LRFN3: variants seen among roughly 807,000 people sequenced by gnomAD.
LRFN3 encodes leucine-rich repeat and fibronectin type-III domain-containing protein 3.
Under a neutral mutation model 23.8 loss-of-function variants are expected in LRFN3, and 8 were observed. That is an observed-to-expected ratio of 0.34 (90% CI 0.20 to 0.61). The LOEUF (loss-of-function observed/expected upper bound fraction) is 0.61. Among genes scored for constraint, LRFN3 ranks in the 20% least tolerant of loss-of-function variants. LRFN3 has a pLI of 0.80. For missense variants in LRFN3, 736 were observed against 935.3 expected (o/e 0.79, Z 2.78); for synonymous variants, 451 against 450.6 (o/e 1.00, Z -0.01).
intron 2 of LRFN3, among the ~76,000 whole-genome samples, chr19:35,941,791 C>A (rs1976124763): frequency 6.6e-6 from 1 of 152,272 alleles, no homozygotes; most frequent in African/African-American, 2.4e-5. Flanking sequence ...CCAGGCTGGT[C>A]TAGAAGTCCT....
rs1473741419 is a variant in LRFN3, at chr19:35,936,464, C to T, written c.-1108C>T. The T allele has an allele frequency of 1.3e-5, 2 of 150,596 alleles. No homozygotes were observed. Among genetic ancestry groups the T allele is most frequent in the Non-Finnish European group, 1.5e-5 (1 of 67,440 alleles). The allele number at this position is 150,596 out of a possible 1,614,324, so 9.3% of individuals were successfully genotyped here. On this transcript the variant is annotated 5_prime_UTR_variant, in exon 1 of 3. Coordinates refer to ENST00000246529, the MANE Select transcript of LRFN3 (RefSeq NM_024509.2). ...CCGCCCAGCCCGGCCCCCGCCCGGC[C>T]CCCGCCTCGGCCCCGGCGGGGGAGG... is the stretch of plus-strand genomic sequence containing the variant.
intron 1 of LRFN3, among the ~76,000 whole-genome samples, chr19:35,938,607 C>T (rs928675367): frequency 6.6e-6 from 1 of 152,212 alleles, no homozygotes; most frequent in Non-Finnish European, 1.5e-5. Context: ...CCCGCACCAT[C>T]CTCCTGAGCA....
rs552870079 is a variant in LRFN3, at chr19:35,945,033, C to A, written c.*14C>A. Reference sequence around the variant, plus strand: ...GTGGGACCCTAGCCAGGCGCCCCCCCCTCTAAGGGTCCTCTGGCCCCACGG... The same window carrying A: ...GTGGGACCCTAGCCAGGCGCCCCCCACTCTAAGGGTCCTCTGGCCCCACGG... On this transcript the variant is annotated 3_prime_UTR_variant, in exon 3 of 3. Coordinates refer to ENST00000246529, the MANE Select transcript of LRFN3 (RefSeq NM_024509.2). 129 of 1,341,724 alleles carry A rather than the reference C, an allele frequency of 9.6e-5. 1 individual carries two copies. In the East Asian group the frequency reaches 1.8e-3, roughly 19 times the overall value. 83.1% of individuals were successfully genotyped at this position (1,341,724 alleles called of 1,614,324 possible).
chr19:35,937,851 A>C (rs1976074198), intron 1 of LRFN3, among the ~76,000 whole-genome samples: 1 of 151,638 alleles, frequency 6.6e-6, no homozygotes, highest in African/African-American at 2.4e-5. Flanking sequence ...TCTCTTGTCC[A>C]CCACTCCTCT....
At position 35,944,873 on chromosome 19, in the gene LRFN3, A is replaced by C; in HGVS notation, c.1741A>C (p.Ser581Arg). 1 of 1,598,560 alleles carries C rather than the reference A, an allele frequency of 6.3e-7. No individual in the cohort carries two copies. Among genetic ancestry groups the C allele is most frequent in the Non-Finnish European group, 8.5e-7 (1 of 1,178,666 alleles). ...GGCCAAGATTCCCGCGCCTGTTAGC[A>C]GCGTTTGCTCCCAGACCAACGGCGC... is the stretch of plus-strand genomic sequence containing the variant. ...GKAKIPAPVS[S>R]VCSQTNGALG... The change falls in exon 3 of 3, where the codon AGC becomes CGC. Residue 581 changes from serine (S) to arginine (R), a missense_variant. Ser to Arg is a moderately radical substitution (Grantham distance 110). Transcript: ENST00000246529. The surrounding 1 kb of genome is among the most constrained non-coding windows in gnomAD (Gnocchi z 4.5).
intron 2 of LRFN3, among the ~76,000 whole-genome samples, chr19:35,941,922 G>A (rs1004889451): frequency 6.7e-6 from 1 of 148,958 alleles, no homozygotes; most frequent in African/African-American, 2.5e-5. Context: ...TCACTCTGTT[G>A]CCCAGGCTGG....
Position 35,945,106 on chromosome 19 carries a change from A to C in LRFN3, c.*87A>C. On this transcript the variant is annotated 3_prime_UTR_variant, in exon 3 of 3. Coordinates refer to ENST00000246529, the MANE Select transcript of LRFN3 (RefSeq NM_024509.2). ...TGGGACCTGGCCTCAAACTCACCAA[A>C]TCGCTCATGGTTTTTAAAACTCTGA... 1.3e-5 allele frequency: 10 copies of C among 744,712 alleles called. No homozygotes were observed. Among genetic ancestry groups the C allele is most frequent in the South Asian group, 2.5e-5 (1 of 39,654 alleles). The allele number at this position is 744,712 out of a possible 1,614,324, so 46.1% of individuals were successfully genotyped here. A position where few individuals can be genotyped will look rare whatever the true frequency, so the allele number is the denominator to read the frequency against.
rs945008562 is a variant in LRFN3 at position 35,946,179 on chromosome 19, G to C, written c.*1160G>C. ...GTGTAGGGGGCCCTGAGGATGTCCA[G>C]GATGTGGCATTCAGGAGGGTGCAGG... On this transcript the variant is annotated 3_prime_UTR_variant, in exon 3 of 3. Transcript: ENST00000246529. 6.6e-6 allele frequency among the ~76,000 whole-genome samples: 1 copy of C among 151,978 alleles called. No homozygotes were observed. The highest frequency in any genetic ancestry group is 1.5e-5 in the Non-Finnish European group (1 of 67,980).
At position 35,944,560 on chromosome 19, in the gene LRFN3, G is replaced by C; in HGVS notation, c.1428G>C (p.Ala476=). The change falls in exon 3 of 3, where the codon GCG becomes GCC. Residue 476 remains alanine (A), a synonymous_variant. Coordinates refer to ENST00000246529, the MANE Select transcript of LRFN3 (RefSeq NM_024509.2). The surrounding 1 kb of genome is among the most constrained non-coding windows in gnomAD (Gnocchi z 4.5). ...GCCTGCCCTGCAGGATGATCCCGGCGGAGAGCCGCTCGTTCCTGCTGACGG... is the reference window on the plus strand; with the variant it reads ...GCCTGCCCTGCAGGATGATCCCGGCCGAGAGCCGCTCGTTCCTGCTGACGG... ...DDILVYRMIP[A]ESRSFLLTDL... The C allele has an allele frequency of 6.8e-7, 1 of 1,463,122 alleles. No individual in the cohort carries two copies. The highest frequency in any genetic ancestry group is 9.0e-7 in the Non-Finnish European group (1 of 1,112,774). The allele number at this position is 1,463,122 out of a possible 1,614,324, so 90.6% of individuals were successfully genotyped here. A position where few individuals can be genotyped will look rare whatever the true frequency, so the allele number is the denominator to read the frequency against.
intron 1 of LRFN3, among the ~76,000 whole-genome samples, chr19:35,938,210 G>A (rs1976077816): frequency 6.6e-6 from 1 of 151,150 alleles, no homozygotes; most frequent in Non-Finnish European, 1.5e-5. Context: ...CTCTCCCACT[G>A]CTCTTGCCCT....
intron 2 of LRFN3, among the ~76,000 whole-genome samples, chr19:35,942,524 C>T (rs1401166806): frequency 2.6e-5 from 4 of 152,224 alleles, no homozygotes; most frequent in African/African-American, 9.7e-5. Flanking sequence ...GGTGCAGCCC[C>T]AAGGCTGACT....
intron 2 of LRFN3, among the ~76,000 whole-genome samples, chr19:35,943,332 G>A (rs553377655): frequency 6.6e-6 from 1 of 152,294 alleles, no homozygotes; most frequent in South Asian, 2.1e-4. Flanking sequence ...AAGAAATAAG[G>A]CAACAGGGAG....
rs764243770 is a variant in LRFN3 at position 35,940,647 on chromosome 19, C to G, written c.1222C>G (p.Leu408Val). 7.4e-5 allele frequency: 119 copies of G among 1,611,810 alleles called. No homozygotes were observed. The highest frequency in any genetic ancestry group is 9.2e-5 in the Non-Finnish European group (108 of 1,178,798). ...DPPRDGDPDA[L>V]TPPSAASASA... The stretch of plus-strand genomic sequence containing the variant: ...CCCGCGGGACGGGGATCCTGATGCT[C>G]TCACCCCACCCTCCGCTGCCTCTGC... The change falls in exon 2 of 3, where the codon CTC becomes GTC. Residue 408 changes from leucine to valine, a missense_variant. Physicochemically the swap from Leu to Val is conservative, Grantham distance 32. Around this residue, in one of 2 missense-constraint regions of LRFN3, gnomAD observed 446 missense variants for 647.9 expected, o/e 0.69. Transcript: ENST00000246529.
chr19:35,944,681 C>G lies in LRFN3; in HGVS notation c.1549C>G (p.Arg517Gly), dbSNP rs1253040709. ...GGCCACGCGGCCTGTGGGCTGCGCC[C>G]GCTTCTCCACCGAACCTGCGCTGCG... Reference protein sequence around the residue: ...LTATRPVGCARFSTEPALRPC... With the variant: ...LTATRPVGCAGFSTEPALRPC... The change falls in exon 3 of 3, where the codon CGC becomes GGC. Residue 517 changes from arginine to glycine, a missense_variant. Around this residue, in one of 2 missense-constraint regions of LRFN3, gnomAD observed 290 missense variants for 287.4 expected, o/e 1.01. Transcript: ENST00000246529. The surrounding 1 kb of genome is among the most constrained non-coding windows in gnomAD (Gnocchi z 4.5). 2 of 1,601,706 alleles carry G rather than the reference C, an allele frequency of 1.2e-6. No individual in the cohort carries two copies. Among genetic ancestry groups the G allele is most frequent in the African/African-American group, 1.3e-5 (1 of 74,404 alleles).
At position 35,940,429 on chromosome 19, in the gene LRFN3, G is replaced by A. The variant is rs773576637; in HGVS notation, c.1004G>A (p.Arg335Gln). The A allele has an allele frequency of 1.9e-6, 3 of 1,597,398 alleles. No individual in the cohort carries two copies. Among genetic ancestry groups the A allele is most frequent in the East Asian group, 2.2e-5 (1 of 44,596 alleles). The change falls in exon 2 of 3, where the codon CGG becomes CAG. Residue 335 changes from arginine to glutamine, a missense_variant. Transcript: ENST00000246529. ...PRVRWVSPQGRLLGNSSRARA... is the reference protein window; with the variant it reads ...PRVRWVSPQGQLLGNSSRARA... ...GTGCGTTGGGTGTCACCCCAGGGCC[G>A]GCTGCTAGGCAACTCAAGCCGTGCC...
rs150948583 is a variant in LRFN3 at position 35,939,725 on chromosome 19, C to T, written c.300C>T (p.Ala100=). 99 of 1,603,526 alleles carry T rather than the reference C, an allele frequency of 6.2e-5. No homozygotes were observed. The highest frequency in any genetic ancestry group is 7.2e-5 in the Non-Finnish European group (85 of 1,177,952). ...GGAACACCATCCGCCACGTGGCTGC[C>T]GGCGCCTTCGCCGACCTGCGGGCCC... ...LSRNTIRHVA[A]GAFADLRALR... is the part of the protein sequence containing the mutation. The change falls in exon 2 of 3, where the codon GCC becomes GCT. Residue 100 remains alanine (A), a synonymous_variant. Transcript: ENST00000246529. The surrounding 1 kb of genome is among the most constrained non-coding windows in gnomAD (Gnocchi z 6.4).
chr19:35,940,586 ACCT>A lies in LRFN3; in HGVS notation c.1166_1168del (p.Pro389del). The A allele has an allele frequency of 1.2e-6, 2 of 1,611,602 alleles. No homozygotes were observed. The highest frequency in any genetic ancestry group is 1.1e-5 in the South Asian group (1 of 91,018). ...TGGAGCTGACTGTGGGTCCCCCACC[ACCT>A]CCTCAGCTAGCCAACAGCACCAGCT... On this transcript the variant is annotated inframe_deletion, in exon 2 of 3. Transcript: ENST00000246529.
Position 35,944,893 on chromosome 19 carries a change from C to T in LRFN3, c.1761C>T (p.Asn587=), listed in dbSNP as rs1438270980. ...APVSSVCSQT[N]GALGPTPTPA... ...TTAGCAGCGTTTGCTCCCAGACCAA[C>T]GGCGCCCTGGGCCCCACGCCCACGC... Residue 587 remains asparagine, a synonymous_variant, in exon 3 of 3, where the codon AAC becomes AAT. Transcript: ENST00000246529. This position sits in a 1 kb window ranked among gnomAD's most constrained non-coding sequence, Gnocchi z 4.5. The T allele has an allele frequency of 2.5e-6, 4 of 1,592,766 alleles. No homozygotes were observed. The African/African-American group carries it at 4.0e-5, about 16-fold the overall frequency.
Position 35,940,791 on chromosome 19 carries a change from A to G in LRFN3, c.1366A>G (p.Met456Val), listed in dbSNP as rs760943877. The part of the protein sequence containing the change: ...PDQRPIPGIR[M>V]YQIQYNSSAD... ...TCAGCGGCCTATCCCGGGCATCCGC[A>G]TGTACCAGATCCAGTACAACAGCTC... is the stretch of plus-strand genomic sequence containing the variant. Residue 456 changes from methionine (M) to valine (V), a missense_variant, in exon 2 of 3, where the codon ATG becomes GTG. Coordinates refer to ENST00000246529, the MANE Select transcript of LRFN3 (RefSeq NM_024509.2). 2 of 1,606,628 alleles carry G rather than the reference A, an allele frequency of 1.2e-6. No individual in the cohort carries two copies. The highest frequency in any genetic ancestry group is 1.7e-6 in the Non-Finnish European group (2 of 1,175,066).
Sources: allele counts gnomAD v4.1 joint callset (sites outside exome capture counted in the v4.1 genomes callset), GRCh38; gene constraint gnomAD v4.1.1; regional missense constraint gnomAD v4.1.1; non-coding constraint Gnocchi (gnomAD v3.1); transcripts MANE v1.5; gene names NCBI Gene and HGNC (gene_info 2026-07-23, HGNC 2026-07-21).